The following VGLL4 variants were observed in gnomAD, a reference collection of about 807,000 sequenced individuals.
VGLL4 encodes transcription cofactor vestigial-like protein 4.
Under a neutral mutation model 21.0 loss-of-function variants are expected in VGLL4, and 7 were observed. That is an observed-to-expected ratio of 0.33 (90% CI 0.19 to 0.63). The LOEUF (loss-of-function observed/expected upper bound fraction) is 0.63, where lower values mean the gene tolerates loss of function less well. Among genes scored for constraint, VGLL4 ranks in the 20% least tolerant of loss-of-function variants. The pLI, the probability that VGLL4 is intolerant of heterozygous loss-of-function variation, is 0.78. For missense variants in VGLL4, 394 were observed against 425.7 expected, an observed-to-expected ratio of 0.93 and a Z score of 0.66; for synonymous variants, 222 against 173.2, an observed-to-expected ratio of 1.28 and a Z score of -2.21.
intron 2 of VGLL4, among the ~76,000 whole-genome samples, chr3:11,572,618 C>A (rs1173993992): frequency 6.6e-6 from 1 of 152,180 alleles, no homozygotes; most frequent in Non-Finnish European, 1.5e-5. Context: ...TCTTGCCACA[C>A]GTGGATGTGT....
chr3:11,686,602 C>T (rs1386047203), intron 2 of VGLL4, among the ~76,000 whole-genome samples: 1 of 152,138 alleles, frequency 6.6e-6, no homozygotes, highest in Admixed American at 6.5e-5. Context: ...TTGCCCATCA[C>T]ATGTATTTAA....
At chr3:11,644,412 C>A (rs1307127890), upstream of VGLL4, among the ~76,000 whole-genome samples, 1 of 152,080 alleles carries the variant, frequency 6.6e-6, no homozygotes, top group East Asian at 1.9e-4. Flanking sequence ...ATCCCCATAA[C>A]AACTGAGATG....
At chr3:11,670,807 G>A (rs2076199368) in intron 2 of VGLL4, among the ~76,000 whole-genome samples, 1 of 152,192 alleles carries the variant, frequency 6.6e-6, no homozygotes, top group Non-Finnish European at 1.5e-5. Flanking sequence ...GGAGGCTGAG[G>A]CTGGCGGATC....
intron 2 of VGLL4, among the ~76,000 whole-genome samples, chr3:11,571,824 T>TG (rs1407816726): frequency 5.3e-5 from 8 of 151,684 alleles, no homozygotes; most frequent in African/African-American, 1.9e-4. Flanking sequence ...AGAAGCCTAT[T>TG]GGCCGGGCAC....
intron 1 of VGLL4, among the ~76,000 whole-genome samples, chr3:11,604,144 C>G (rs1575442418): frequency 2.0e-5 from 3 of 152,218 alleles, no homozygotes; most frequent in Non-Finnish European, 1.5e-5. Flanking sequence ...GAAGGCACTC[C>G]AGGTGTCCTT....
At chr3:11,627,228 A>ACTCTCTCTCTCT (rs1412462202) in intron 1 of VGLL4, 1 of 123,424 alleles carries the variant, frequency 8.1e-6, no homozygotes, top group African/African-American at 3.9e-5. Context: ...ACACACACAC[A>ACTCTCTCTCTCT]CACTCTCTCT....
At chr3:11,620,052 CG>C (rs67001479) in intron 1 of VGLL4, among the ~76,000 whole-genome samples, 88,439 of 151,918 alleles carry the variant, frequency 0.58, 27,311 homozygotes, top group Non-Finnish European at 0.71. Flanking sequence ...TGCCACCCCC[CG>C]GCAAATTAGT....
intron 2 of VGLL4, among the ~76,000 whole-genome samples, chr3:11,665,254 C>T (rs2076102962): frequency 6.6e-6 from 1 of 151,468 alleles, no homozygotes; most frequent in Non-Finnish European, 1.5e-5. Flanking sequence ...GCTGGGACTA[C>T]AGGCGCCTGC....
intron 2 of VGLL4, among the ~76,000 whole-genome samples, chr3:11,695,034 TA>T (rs1246570836): frequency 6.6e-6 from 1 of 151,494 alleles, no homozygotes. Flanking sequence ...TGTACTTACG[TA>T]AGGGAATGTT....
At chr3:11,631,230 C>G (rs574055805) in intron 1 of VGLL4, among the ~76,000 whole-genome samples, 1 of 151,908 alleles carries the variant, frequency 6.6e-6, no homozygotes, top group South Asian at 2.1e-4. Flanking sequence ...TAAGGAAGCT[C>G]GAGGAGGCTC....
At chr3:11,673,360 G>A (rs1424571865) in intron 2 of VGLL4, among the ~76,000 whole-genome samples, 1 of 151,886 alleles carries the variant, frequency 6.6e-6, no homozygotes, top group African/African-American at 2.4e-5. Context: ...TGAAAATACT[G>A]ACAGAAGGAT....
At chr3:11,597,104 A>T (rs921371747) in intron 2 of VGLL4, among the ~76,000 whole-genome samples, 32 of 152,264 alleles carry the variant, frequency 2.1e-4, no homozygotes, top group African/African-American at 7.2e-4. Context: ...TTGTTTGTCA[A>T]CTCTGGGACA....
At chr3:11,600,715 T>C (rs1279653522) in intron 2 of VGLL4, among the ~76,000 whole-genome samples, 1 of 152,164 alleles carries the variant, frequency 6.6e-6, no homozygotes, top group East Asian at 1.9e-4. Context: ...AGGCGGGAGC[T>C]GGGCCACCTC....
chr3:11,608,450 G>A (rs569217336), intron 1 of VGLL4, among the ~76,000 whole-genome samples: 5 of 152,150 alleles, frequency 3.3e-5, no homozygotes, highest in Non-Finnish European at 5.9e-5. Flanking sequence ...CCCCAAAGAA[G>A]ATAAGCAAAG....
rs578035659 is a variant in VGLL4, at chr3:11,573,190, C to CAGAA, written c.273-8175_273-8172dup. Among the ~76,000 whole-genome samples, 6 of 142,988 alleles carry CAGAA rather than the reference C, an allele frequency of 4.2e-5. No homozygotes were observed. In the East Asian group the frequency reaches 1.2e-3, roughly 29 times the overall value. 93.8% of individuals were successfully genotyped at this position (142,988 alleles called of 152,430 possible). A position where few individuals can be genotyped will look rare whatever the true frequency, so the allele number is the denominator to read the frequency against. Reference sequence around the variant, plus strand: ...CAAGAAAGAAAGACAGACAGACAGACAGAAAGAAAGAAAAGAAGAGAGAGA... The same window carrying CAGAA: ...CAAGAAAGAAAGACAGACAGACAGACAGAAAGAAAGAAAGAAAAGAAGAGAGAGA... On this transcript the variant is annotated intron_variant, in intron 2 of 4. Coordinates refer to ENST00000430365, the MANE Select transcript of VGLL4 (RefSeq NM_001128219.3).
At position 11,717,775 on chromosome 3, in the gene VGLL4, C is replaced by A. The variant is rs556120730; in HGVS notation, c.-14+2619G>T. ...CTGTGTTTATGTAGCTCTTTCAAAGCTTCAAAGAATTTATAAATAACACAA... is the reference window on the plus strand; with the variant it reads ...CTGTGTTTATGTAGCTCTTTCAAAGATTCAAAGAATTTATAAATAACACAA... On this transcript the variant is annotated intron_variant, in intron 1 of 5. Transcript: ENST00000273038. 2.0e-5 allele frequency among the ~76,000 whole-genome samples: 3 copies of A among 152,254 alleles called. 1 individual carries two copies. Among genetic ancestry groups the A allele is most frequent in the Admixed American group, 6.5e-5 (1 of 15,288 alleles).
chr3:11,593,199 T>G (rs937006662), intron 2 of VGLL4, among the ~76,000 whole-genome samples: 1 of 152,342 alleles, frequency 6.6e-6, no homozygotes, highest in Admixed American at 6.5e-5. Context: ...TCTTGGTAAC[T>G]GGTCCATATA....
At chr3:11,645,062 T>G (rs1293641057), upstream of VGLL4, among the ~76,000 whole-genome samples, 1 of 151,978 alleles carries the variant, frequency 6.6e-6, no homozygotes, top group Non-Finnish European at 1.5e-5. Flanking sequence ...TTGGAAGAAC[T>G]TGGGGCTTAA....
intron 1 of VGLL4, among the ~76,000 whole-genome samples, chr3:11,715,970 T>C (rs1380931566): frequency 6.6e-6 from 1 of 151,990 alleles, no homozygotes; most frequent in East Asian, 1.9e-4. Context: ...TTTAGCACCA[T>C]ACTTACGGGC....
Sources: allele counts gnomAD v4.1 joint callset (sites outside exome capture counted in the v4.1 genomes callset), GRCh38; gene constraint gnomAD v4.1.1; transcripts MANE v1.5; gene names NCBI Gene and HGNC (gene_info 2026-07-23, HGNC 2026-07-21).